EGF: variants seen among roughly 807,000 people sequenced by gnomAD.
EGF encodes the protein pro-epidermal growth factor.
Under a neutral mutation model 143.8 loss-of-function variants are expected in EGF, and 95 were observed. The ratio of observed to expected loss-of-function variants is 0.66; its 90% CI spans 0.56 to 0.78. The LOEUF (loss-of-function observed/expected upper bound fraction) is 0.78. Among genes scored for constraint, EGF ranks in the 30% least tolerant of loss-of-function variants. The pLI, the probability that EGF is intolerant of heterozygous loss-of-function variation, is 0.00. For synonymous variants in EGF, 510 were observed against 510.5 expected, an observed-to-expected ratio of 1.00 and a Z score of 0.01; for missense variants, 1,320 against 1,470.9, an observed-to-expected ratio of 0.90 and a Z score of 1.68.
Position 110,004,610 on chromosome 4 carries a change from C to T in EGF, c.3279C>T (p.Cys1093=). The T allele has an allele frequency of 6.2e-7, 1 of 1,613,778 alleles. No individual in the cohort carries two copies. Among genetic ancestry groups the T allele is most frequent in the Middle Eastern group, 1.7e-4 (1 of 6,058 alleles). The part of the protein sequence containing the change: ...PADTEDGMSS[C]PQPWFVVIKE... ...ACACTGAGGATGGGATGTCCTCTTG[C>T]CCTCAACCTTGGGTAATGTGACCAA... The change falls in exon 22 of 24, where the codon TGC becomes TGT. Residue 1093 remains cysteine (C), a synonymous_variant. Coordinates refer to ENST00000265171, the MANE Select transcript of EGF (RefSeq NM_001963.6).
At chr4:110,002,228 C>T (rs1033858200) in intron 21 of EGF, among the ~76,000 whole-genome samples, 16 of 152,128 alleles carry the variant, frequency 1.1e-4, no homozygotes, top group African/African-American at 1.7e-4. Flanking sequence ...TGTGGTGGCT[C>T]GTGTCTATAA....
At chr4:109,921,129 G>A (rs774351707) in intron 1 of EGF, among the ~76,000 whole-genome samples, 48 of 151,592 alleles carry the variant, frequency 3.2e-4, no homozygotes, top group Non-Finnish European at 6.0e-4. Flanking sequence ...TATGGCCAAA[G>A]TTAATAACTT....
intron 5 of EGF, among the ~76,000 whole-genome samples, chr4:109,954,573 T>C (rs1744489621): frequency 6.6e-6 from 1 of 152,162 alleles, no homozygotes; most frequent in African/African-American, 2.4e-5. Flanking sequence ...ACTGTTCAGT[T>C]TGAGAAGTTT....
intron 1 of EGF, among the ~76,000 whole-genome samples, chr4:109,938,200 C>A (rs1362182732): frequency 6.6e-6 from 1 of 152,124 alleles, no homozygotes; most frequent in South Asian, 2.1e-4. Context: ...TTCTTTGAGG[C>A]TTTGTTTGTT....
At chr4:109,978,046 A>G (rs1461298722) in intron 13 of EGF, among the ~76,000 whole-genome samples, 2 of 152,228 alleles carry the variant, frequency 1.3e-5, no homozygotes, top group African/African-American at 2.4e-5. Context: ...ATTATCAAAT[A>G]ATTTTATATT....
intron 5 of EGF, among the ~76,000 whole-genome samples, chr4:109,951,465 C>T (rs746492382): frequency 1.1e-4 from 17 of 151,816 alleles, no homozygotes; most frequent in Non-Finnish European, 1.5e-5. Context: ...TATCTGAGTA[C>T]ATAGGTTTTT....
At chr4:109,919,315 C>G (rs200801284) in intron 1 of EGF, among the ~76,000 whole-genome samples, 4 of 113,652 alleles carry the variant, frequency 3.5e-5, no homozygotes, top group African/African-American at 9.4e-5. Context: ...CTCTCTCTCT[C>G]TCTCTCTCTC....
intron 5 of EGF, among the ~76,000 whole-genome samples, chr4:109,949,070 T>C (rs28437404): frequency 0.27 from 41,720 of 152,000 alleles, 6,194 homozygotes; most frequent in Middle Eastern, 0.38. Context: ...TACAAAACTC[T>C]AGTTCTTTTT....
In EGF at chr4:109,944,127, A is replaced by G. The variant is rs1437689750; in HGVS notation, c.737+58A>G. On this transcript the variant is annotated intron_variant, in intron 4 of 23. Transcript: ENST00000265171. The stretch of plus-strand genomic sequence containing the variant: ...TTGTCATTTGAAGTCCACAAGATAA[A>G]TTAATTTTACTTTTGTCAATGGAAC... The G allele has an allele frequency of 3.9e-6, 6 of 1,542,426 alleles. No individual in the cohort carries two copies. The Admixed American group carries it at 1.1e-4, about 27-fold the overall frequency.
chr4:109,962,108 A>G, intron 8 of EGF, 123 bp downstream of exon 8: 1 of 1,495,060 alleles, frequency 6.7e-7, no homozygotes, highest in Admixed American at 1.7e-5. Context: ...ACTGAAAGAT[A>G]TTGTTACAAC....
At chr4:109,917,673 T>C (rs972293554) in intron 1 of EGF, among the ~76,000 whole-genome samples, 5 of 152,222 alleles carry the variant, frequency 3.3e-5, no homozygotes, top group South Asian at 2.1e-4. Flanking sequence ...CAGGCTGGAG[T>C]ACAGTGGCAT....
At chr4:109,914,475 C>T (rs1222122008) in intron 1 of EGF, among the ~76,000 whole-genome samples, 2 of 152,158 alleles carry the variant, frequency 1.3e-5, no homozygotes, top group Non-Finnish European at 2.9e-5. Flanking sequence ...GGCTGCTGTC[C>T]TGGCTCTCCC....
chr4:109,964,571 GC>G, intron 10 of EGF, 34 bp downstream of exon 10: 1 of 1,613,420 alleles, frequency 6.2e-7, no homozygotes, highest in Non-Finnish European at 8.5e-7. Flanking sequence ...ATGTGGACAT[GC>G]TTTAAGGACA....
intron 20 of EGF, among the ~76,000 whole-genome samples, chr4:109,997,862 A>T (rs1263280127): frequency 6.6e-6 from 1 of 152,174 alleles, no homozygotes; most frequent in African/African-American, 2.4e-5. Flanking sequence ...GACCCTGTCC[A>T]TAAAAAAATA....
intron 18 of EGF, among the ~76,000 whole-genome samples, chr4:109,990,315 T>C (rs564110778): frequency 6.6e-6 from 1 of 152,146 alleles, no homozygotes; most frequent in African/African-American, 2.4e-5. Flanking sequence ...TGAAGAAGAG[T>C]GCACATCATA....
intron 18 of EGF, among the ~76,000 whole-genome samples, chr4:109,989,912 C>G (rs1287962063): frequency 6.6e-6 from 1 of 152,066 alleles, no homozygotes; most frequent in Non-Finnish European, 1.5e-5. Context: ...TCTCTCTCCC[C>G]CAGCTCACTC....
intron 1 of EGF, among the ~76,000 whole-genome samples, chr4:109,915,805 T>G (rs576941801): frequency 1.3e-5 from 2 of 152,332 alleles, no homozygotes; most frequent in African/African-American, 2.4e-5. Context: ...CTAACAGTAT[T>G]CAGGTAAACT....
intron 13 of EGF, among the ~76,000 whole-genome samples, chr4:109,979,448 G>C (rs560770321): frequency 1.3e-4 from 19 of 151,816 alleles, no homozygotes; most frequent in Non-Finnish European, 2.6e-4. Flanking sequence ...AAGAAGGTGG[G>C]GGACTAATGC....
intron 19 of EGF, among the ~76,000 whole-genome samples, chr4:109,994,212 TTCC>T (rs1490783437): frequency 6.6e-6 from 1 of 152,212 alleles, no homozygotes; most frequent in African/African-American, 2.4e-5. Flanking sequence ...GAACATTTTC[TTCC>T]TGCCAGAGTT....
Sources: gnomAD v4.1 joint callset for allele counts (sites outside exome capture counted in the v4.1 genomes callset) on GRCh38, gnomAD v4.1.1 for gene constraint, MANE v1.5 for transcripts, NCBI Gene and HGNC (gene_info 2026-07-23, HGNC 2026-07-21) for gene names.